Variants in KCNH5 observed in about 807,000 individuals in gnomAD.
KCNH5 encodes voltage-gated delayed rectifier potassium channel KCNH5.
In KCNH5, 46 loss-of-function variants were observed where a neutral mutation model predicts 96.1. The observed-to-expected ratio is 0.48, with a 90% CI of 0.38 to 0.61. KCNH5 has a LOEUF of 0.61. KCNH5 is among the 20% of genes least tolerant of loss of function. The pLI, the probability that KCNH5 is intolerant of heterozygous loss-of-function variation, is 0.00. For missense variants in KCNH5, 907 were observed against 1,225.8 expected (o/e 0.74, Z 3.88); for synonymous variants, 439 against 449.8 (o/e 0.98, Z 0.30).
chr14:62,824,026 A>C (rs1887167720), intron 8 of KCNH5, among the ~76,000 whole-genome samples: 1 of 152,138 alleles, frequency 6.6e-6, no homozygotes, highest in African/African-American at 2.4e-5. Context: ...ACTTAAAAAA[A>C]ATCTGAAAAC....
chr14:62,846,789 CTTTTTTT>C (rs766919022), intron 8 of KCNH5, among the ~76,000 whole-genome samples: 12 of 67,478 alleles, frequency 1.8e-4, no homozygotes, highest in African/African-American at 6.6e-4. Context: ...TGTATTGTAT[CTTTTTTT>C]TTTTTTTTTT....
chr14:62,786,012 G>A (rs978380539), intron 9 of KCNH5, among the ~76,000 whole-genome samples: 3 of 152,122 alleles, frequency 2.0e-5, no homozygotes, highest in African/African-American at 7.2e-5. Flanking sequence ...CCAACATGGT[G>A]AAATCCCATT....
At position 62,702,092 on chromosome 14, in the gene KCNH5, C is replaced by T. The variant is rs1002504172; in HGVS notation, c.*5416G>A. On this transcript the variant is annotated 3_prime_UTR_variant, in exon 11 of 11. Coordinates refer to ENST00000322893, the MANE Select transcript of KCNH5 (RefSeq NM_139318.5). ...CTGAATGACTCTTGCTTTCCTTAAC[C>T]ATTAGGCATTACCTCTTTAGGTTAA... 2.0e-5 allele frequency: 3 copies of T among 151,922 alleles called. No individual in the cohort carries two copies. The highest frequency in any genetic ancestry group is 7.2e-5 in the African/African-American group (3 of 41,390). The allele number at this position is 151,922 out of a possible 1,614,324, so 9.4% of individuals were successfully genotyped here. A position where few individuals can be genotyped will look rare whatever the true frequency, so the allele number is the denominator to read the frequency against.
intron 8 of KCNH5, among the ~76,000 whole-genome samples, chr14:62,838,278 G>A (rs1271461175): frequency 4.6e-5 from 7 of 152,130 alleles, no homozygotes; most frequent in African/African-American, 7.2e-5. Context: ...TACTGCTGGT[G>A]CAGTATTTTA....
intron 7 of KCNH5, among the ~76,000 whole-genome samples, chr14:62,858,861 G>T (rs1887979921): frequency 6.6e-6 from 1 of 152,132 alleles, no homozygotes; most frequent in Non-Finnish European, 1.5e-5. Context: ...CACCTAATTG[G>T]CATTGTAATT....
intron 8 of KCNH5, among the ~76,000 whole-genome samples, chr14:62,824,152 T>A (rs932511944): frequency 6.6e-6 from 1 of 152,068 alleles, no homozygotes; most frequent in African/African-American, 2.4e-5. Context: ...ATTTACTAAT[T>A]TATAAGTGAT....
intron 8 of KCNH5, among the ~76,000 whole-genome samples, chr14:62,813,953 T>C (rs1886922633): frequency 6.6e-6 from 1 of 152,170 alleles, no homozygotes; most frequent in Non-Finnish European, 1.5e-5. Flanking sequence ...TCTCTGGATG[T>C]CACTCTGACA....
intron 1 of KCNH5, among the ~76,000 whole-genome samples, chr14:63,022,444 T>TTTTGTTTG (rs113415553): frequency 6.6e-6 from 1 of 151,932 alleles, no homozygotes; most frequent in East Asian, 1.9e-4. Flanking sequence ...CAAACGAGTT[T>TTTTGTTTG]TTTGTTTGTT....
At chr14:62,867,758 A>C (rs1342415706) in intron 7 of KCNH5, among the ~76,000 whole-genome samples, 2 of 152,118 alleles carry the variant, frequency 1.3e-5, no homozygotes, top group Non-Finnish European at 2.9e-5. Context: ...CTCACCAGGC[A>C]CTGGCCCCAT....
chr14:62,987,327 C>A lies in KCNH5; in HGVS notation c.434-140G>T, dbSNP rs1308161910. ...AGTATCAAACAAAAGTATTTTCTTTCCTTCTGTATAGACATGCTCATATAT... is the reference window on the plus strand; with the variant it reads ...AGTATCAAACAAAAGTATTTTCTTTACTTCTGTATAGACATGCTCATATAT... On this transcript the variant is annotated intron_variant, in intron 4 of 10. Transcript: ENST00000322893. The A allele has an allele frequency of 2.8e-5, 18 of 645,008 alleles. No homozygotes were observed. In the East Asian group the frequency reaches 4.9e-4, roughly 18 times the overall value. 40.0% of individuals were successfully genotyped at this position (645,008 alleles called of 1,614,324 possible). A position where few individuals can be genotyped will look rare whatever the true frequency, so the allele number is the denominator to read the frequency against.
intron 7 of KCNH5, among the ~76,000 whole-genome samples, chr14:62,926,074 A>T (rs960196315): frequency 1.3e-5 from 2 of 152,124 alleles, no homozygotes; most frequent in African/African-American, 4.8e-5. Flanking sequence ...TACAATAAGC[A>T]TTTCAAAATG....
intron 7 of KCNH5, among the ~76,000 whole-genome samples, chr14:62,911,282 C>CTT (rs547182329): frequency 2.2e-4 from 30 of 134,986 alleles, no homozygotes; most frequent in African/African-American, 5.4e-4. Flanking sequence ...TTTTTTTTTT[C>CTT]TTTTTTTTTT....
intron 4 of KCNH5, among the ~76,000 whole-genome samples, chr14:62,992,819 T>G (rs764089337): frequency 1.1e-4 from 17 of 152,100 alleles, no homozygotes; most frequent in Non-Finnish European, 2.5e-4. Context: ...TTTAGTTTAA[T>G]TAAGTTCCAT....
chr14:62,747,922 T>C (rs912808959), intron 10 of KCNH5, among the ~76,000 whole-genome samples: 1 of 152,240 alleles, frequency 6.6e-6, no homozygotes, highest in African/African-American at 2.4e-5. Context: ...AGACTCAGTA[T>C]TATCTTAGGC....
intron 6 of KCNH5, among the ~76,000 whole-genome samples, chr14:62,972,212 G>A (rs956898820): frequency 6.6e-6 from 1 of 152,104 alleles, no homozygotes; most frequent in Non-Finnish European, 1.5e-5. Context: ...ATTCCTATGA[G>A]AATTAAGCAT....
intron 7 of KCNH5, among the ~76,000 whole-genome samples, chr14:62,901,704 T>A (rs1298298512): frequency 6.6e-6 from 1 of 152,248 alleles, no homozygotes; most frequent in Non-Finnish European, 1.5e-5. Context: ...TGCATGTGTC[T>A]TTTTGGTAGA....
chr14:62,858,470 A>G (rs1388184850), intron 7 of KCNH5, among the ~76,000 whole-genome samples: 1 of 152,150 alleles, frequency 6.6e-6, no homozygotes, highest in Non-Finnish European at 1.5e-5. Context: ...AACTAATTTC[A>G]TCTTGAAAGT....
chr14:62,754,385 C>A (rs973207917), intron 10 of KCNH5, among the ~76,000 whole-genome samples: 1 of 151,510 alleles, frequency 6.6e-6, no homozygotes, highest in Non-Finnish European at 1.5e-5. Context: ...AGAAGTAAGT[C>A]CTTACTTATC....
intron 7 of KCNH5, among the ~76,000 whole-genome samples, chr14:62,887,739 G>A (rs764726422): frequency 1.3e-5 from 2 of 152,004 alleles, no homozygotes; most frequent in Middle Eastern, 3.4e-3. Context: ...CAGACTGTCT[G>A]CTTTGCTCAT....
Sources: gnomAD v4.1 joint callset for allele counts (sites outside exome capture counted in the v4.1 genomes callset) on GRCh38, gnomAD v4.1.1 for gene constraint, MANE v1.5 for transcripts, NCBI Gene and HGNC (gene_info 2026-07-23, HGNC 2026-07-21) for gene names.